Variants in CNTN3 observed in about 807,000 individuals in gnomAD.
CNTN3 encodes the protein contactin-3.
CNTN3 carries 60 observed loss-of-function variants against 119.1 expected under a neutral mutation model. The ratio of observed to expected loss-of-function variants is 0.50; its 90% CI spans 0.41 to 0.62. The LOEUF (loss-of-function observed/expected upper bound fraction) is 0.62. Ranked by LOEUF, CNTN3 falls within the 20% of genes least tolerant of loss-of-function variation. CNTN3 has a pLI of 0.00. For missense variants in CNTN3, 1,101 were observed against 1,242.4 expected (o/e 0.89, Z 1.71); for synonymous variants, 450 against 438.7 (o/e 1.03, Z -0.32).
At chr3:74,446,239 GAAGC>G (rs1702046131) in intron 4 of CNTN3, among the ~76,000 whole-genome samples, 1 of 152,114 alleles carries the variant, frequency 6.6e-6, no homozygotes, top group East Asian at 1.9e-4. Flanking sequence ...AGGTTTTTAA[GAAGC>G]AACAACAAAA....
intron 5 of CNTN3, among the ~76,000 whole-genome samples, chr3:74,421,937 T>C (rs549855543): frequency 1.3e-5 from 2 of 152,368 alleles, no homozygotes; most frequent in African/African-American, 4.8e-5. Flanking sequence ...CCCTCACCTG[T>C]CTGGTTGGCA....
rs1275758431 is a variant in CNTN3, at chr3:74,347,095, G to C, written c.1365-10437C>G. Among the ~76,000 whole-genome samples the C allele has an allele frequency of 2.0e-5, 3 of 152,092 alleles. No homozygotes were observed. The East Asian group carries it at 5.8e-4, about 29-fold the overall frequency. On this transcript the variant is annotated intron_variant, in intron 11 of 22. Coordinates refer to ENST00000263665, the MANE Select transcript of CNTN3 (RefSeq NM_020872.3). ...ATGAGTAAGAATTATTCCCACACAG[G>C]ACACAGTCTAAAGGCCAAGTTGGGA...
chr3:74,455,217 T>C (rs1356810620), intron 4 of CNTN3, among the ~76,000 whole-genome samples: 4 of 152,094 alleles, frequency 2.6e-5, no homozygotes, highest in Non-Finnish European at 5.9e-5. Context: ...TATTTTTTTT[T>C]CTCTAAACTT....
intron 3 of CNTN3, among the ~76,000 whole-genome samples, chr3:74,488,409 G>A (rs892795082): frequency 1.3e-5 from 2 of 152,070 alleles, no homozygotes; most frequent in Non-Finnish European, 2.9e-5. Flanking sequence ...CACTGCACCC[G>A]GCCATAAACT....
intron 13 of CNTN3, among the ~76,000 whole-genome samples, chr3:74,328,002 T>A (rs190494884): frequency 9.1e-4 from 138 of 151,978 alleles, no homozygotes; most frequent in African/African-American, 3.1e-3. Context: ...TTTGATATTA[T>A]ATGAATTTTA....
At chr3:74,439,724 C>T (rs1203240658) in intron 4 of CNTN3, among the ~76,000 whole-genome samples, 1 of 152,156 alleles carries the variant, frequency 6.6e-6, no homozygotes, top group Non-Finnish European at 1.5e-5. Flanking sequence ...AAAGCTTAAG[C>T]TCCTGATTCC....
intron 13 of CNTN3, among the ~76,000 whole-genome samples, chr3:74,324,162 T>C (rs1300625729): frequency 6.6e-6 from 1 of 152,046 alleles, no homozygotes; most frequent in Non-Finnish European, 1.5e-5. Flanking sequence ...CAGTATGTCC[T>C]AAGATATTAA....
intron 5 of CNTN3, among the ~76,000 whole-genome samples, chr3:74,386,338 T>C (rs1018013914): frequency 4.6e-5 from 7 of 152,128 alleles, no homozygotes; most frequent in African/African-American, 1.4e-4. Context: ...CATGAGTATA[T>C]GGCTGGGCGG....
chr3:74,341,594 CACTTA>C (rs1370822881), intron 11 of CNTN3, among the ~76,000 whole-genome samples: 1 of 152,020 alleles, frequency 6.6e-6, no homozygotes, highest in Admixed American at 6.6e-5. Context: ...TTAATTATTT[CACTTA>C]ACTTTGTGCA....
chr3:74,486,977 C>T (rs1702870680), intron 3 of CNTN3, among the ~76,000 whole-genome samples: 2 of 152,094 alleles, frequency 1.3e-5, no homozygotes, highest in African/African-American at 2.4e-5. Context: ...TACTTTAGGC[C>T]AAGGTCCTGC....
At chr3:74,462,732 T>A (rs1319385285) in intron 4 of CNTN3, among the ~76,000 whole-genome samples, 1 of 152,148 alleles carries the variant, frequency 6.6e-6, no homozygotes, top group African/African-American at 2.4e-5. Flanking sequence ...TCAATGGTTA[T>A]ATCCTATGTT....
At chr3:74,571,618 G>A (rs921441784) in intron 1 of CNTN3, among the ~76,000 whole-genome samples, 1 of 152,142 alleles carries the variant, frequency 6.6e-6, no homozygotes, top group Non-Finnish European at 1.5e-5. Context: ...TGTTCACAAA[G>A]TGGTAGTTAT....
chr3:74,457,268 A>G (rs948449863), intron 4 of CNTN3, among the ~76,000 whole-genome samples: 1 of 152,062 alleles, frequency 6.6e-6, no homozygotes, highest in Admixed American at 6.6e-5. Flanking sequence ...ATTTACTCCT[A>G]ATGGGAAACA....
At chr3:74,581,123 G>C in intron 1 of CNTN3, among the ~76,000 whole-genome samples, 1 of 152,020 alleles carries the variant, frequency 6.6e-6, no homozygotes, top group East Asian at 1.9e-4. Flanking sequence ...TTATACTAAA[G>C]GTCCTACAAG....
chr3:74,594,825 C>T (rs1227898460), intron 1 of CNTN3, among the ~76,000 whole-genome samples: 1 of 151,766 alleles, frequency 6.6e-6, no homozygotes, highest in Admixed American at 6.6e-5. Context: ...AATGGGATGG[C>T]TGGGTCAAAT....
chr3:74,477,639 G>T (rs1257194277), intron 4 of CNTN3, among the ~76,000 whole-genome samples: 1 of 152,050 alleles, frequency 6.6e-6, no homozygotes, highest in Non-Finnish European at 1.5e-5. Context: ...AAAATAAAAA[G>T]AGTTAGACAG....
intron 1 of CNTN3, among the ~76,000 whole-genome samples, chr3:74,592,192 T>C (rs989959105): frequency 5.3e-5 from 8 of 151,770 alleles, no homozygotes; most frequent in Non-Finnish European, 5.9e-5. Context: ...AAGAAACTGC[T>C]TGTGATCCTC....
intron 5 of CNTN3, among the ~76,000 whole-genome samples, chr3:74,372,588 T>A (rs1334908037): frequency 1.3e-5 from 2 of 151,028 alleles, no homozygotes; most frequent in African/African-American, 2.4e-5. Flanking sequence ...CCCAATAGAG[T>A]TTAAAAAAAA....
chr3:74,292,692 A>C (rs1488567086), intron 19 of CNTN3, among the ~76,000 whole-genome samples: 1 of 152,258 alleles, frequency 6.6e-6, no homozygotes, highest in Non-Finnish European at 1.5e-5. Flanking sequence ...CCCATTCTAC[A>C]GGTGAGGAAA....
Sources: allele counts gnomAD v4.1 joint callset (sites outside exome capture counted in the v4.1 genomes callset), GRCh38; gene constraint gnomAD v4.1.1; transcripts MANE v1.5; gene names NCBI Gene and HGNC (gene_info 2026-07-23, HGNC 2026-07-21).